The following SCFD2 variants were observed in gnomAD, a reference collection of about 807,000 sequenced individuals.
SCFD2 encodes the protein sec1 family domain containing 2, also known as sec1 family domain-containing protein 2.
Under a neutral mutation model 58.9 loss-of-function variants are expected in SCFD2, and 54 were observed. That is an observed-to-expected ratio of 0.92 (90% CI 0.74 to 1.15). The LOEUF (loss-of-function observed/expected upper bound fraction) is 1.15. Among genes scored for constraint, SCFD2 ranks in the 50% most tolerant of loss-of-function variants. The pLI, the probability that SCFD2 is intolerant of heterozygous loss-of-function variation, is 0.00. For missense variants in SCFD2, 805 were observed against 836.6 expected (o/e 0.96, Z 0.47); for synonymous variants, 321 against 335.9 (o/e 0.96, Z 0.49).
chr4:52,999,515 T>C (rs28718551), intron 5 of SCFD2, among the ~76,000 whole-genome samples: 51,979 of 152,044 alleles, frequency 0.34, 9,947 homozygotes, highest in Admixed American at 0.47. Context: ...TTTGCCTTGA[T>C]GAAAAATTTG....
chr4:53,234,603 CT>C (rs1729539021), intron 4 of SCFD2, among the ~76,000 whole-genome samples: 1 of 152,088 alleles, frequency 6.6e-6, no homozygotes, highest in Admixed American at 6.5e-5. Flanking sequence ...TGATACATTT[CT>C]TTGGAAAATT....
At position 53,352,690 on chromosome 4, in the gene SCFD2, AT is replaced by A. The variant is rs777006424; in HGVS notation, c.914del (p.Asn305MetfsTer3). 199 of 1,613,890 alleles carry A rather than the reference AT, an allele frequency of 1.2e-4. No individual in the cohort carries two copies. The highest frequency in any genetic ancestry group is 1.6e-4 in the Non-Finnish European group (191 of 1,179,952). On this transcript the variant is annotated frameshift_variant, in exon 2 of 9. Transcript: ENST00000401642. LOFTEE classifies it high-confidence loss of function. ...SALPQLPGHT[N>X]DVMVNMIALT... ...GCGCTATCATGTTAACCATCACATC[AT>A]TTGTGTGGCCTGGGAGCTGGGGAAG... is the stretch of plus-strand genomic sequence containing the variant.
intron 4 of SCFD2, among the ~76,000 whole-genome samples, chr4:53,184,076 A>T (rs1344223840): frequency 1.3e-5 from 2 of 152,176 alleles, no homozygotes; most frequent in African/African-American, 4.8e-5. Context: ...CCATTTAAAA[A>T]TGTAATTTAT....
rs1027121713 is a variant in SCFD2 at position 52,966,330 on chromosome 4, G to A, written c.1562-45460C>T. 3.9e-5 allele frequency among the ~76,000 whole-genome samples: 6 copies of A among 152,196 alleles called. No individual in the cohort carries two copies. In the South Asian group the frequency reaches 6.2e-4, roughly 16 times the overall value. Reference sequence around the variant, plus strand: ...CTGTGCATGTGCAAAGTAGATCAACGTAAGCACAGGTCACTTGATGACCTG... The same window carrying A: ...CTGTGCATGTGCAAAGTAGATCAACATAAGCACAGGTCACTTGATGACCTG... On this transcript the variant is annotated intron_variant, in intron 5 of 8. Transcript: ENST00000401642.
At chr4:53,002,596 C>T (rs1159380440) in intron 5 of SCFD2, among the ~76,000 whole-genome samples, 1 of 152,154 alleles carries the variant, frequency 6.6e-6, no homozygotes, top group Non-Finnish European at 1.5e-5. Flanking sequence ...CTCCTATGAG[C>T]CTTGATACAG....
chr4:53,229,057 T>A (rs1011977704), intron 4 of SCFD2, among the ~76,000 whole-genome samples: 1 of 152,090 alleles, frequency 6.6e-6, no homozygotes, highest in African/African-American at 2.4e-5. Flanking sequence ...GGAATCCACC[T>A]TACAAGGGAT....
chr4:53,097,499 T>C (rs898127855), intron 5 of SCFD2, among the ~76,000 whole-genome samples: 2 of 152,234 alleles, frequency 1.3e-5, no homozygotes, highest in African/African-American at 4.8e-5. Context: ...AGTTCACTCA[T>C]GATTTGGCTC....
chr4:52,971,596 G>T (rs1273329790), intron 5 of SCFD2, among the ~76,000 whole-genome samples: 5 of 152,284 alleles, frequency 3.3e-5, no homozygotes, highest in African/African-American at 4.8e-5. Flanking sequence ...CACTCTGCAG[G>T]ATATTATCCA....
intron 2 of SCFD2, among the ~76,000 whole-genome samples, chr4:53,320,187 T>C (rs1355161284): frequency 1.3e-5 from 2 of 152,198 alleles, no homozygotes; most frequent in Non-Finnish European, 2.9e-5. Context: ...GCCCAGTAAA[T>C]TAGGGTTTGA....
At chr4:52,923,515 A>AATAG (rs1457389314) in intron 5 of SCFD2, among the ~76,000 whole-genome samples, 9 of 150,312 alleles carry the variant, frequency 6.0e-5, no homozygotes, top group African/African-American at 2.2e-4. Context: ...TAAATAAATA[A>AATAG]ATGTGTGGTC....
intron 3 of SCFD2, among the ~76,000 whole-genome samples, chr4:53,286,835 T>A (rs1431509056): frequency 6.6e-6 from 1 of 152,000 alleles, no homozygotes; most frequent in African/African-American, 2.4e-5. Context: ...GTACCCCCAT[T>A]CCTGGGCCCT....
intron 7 of SCFD2, among the ~76,000 whole-genome samples, chr4:52,897,768 G>A (rs1449771608): frequency 6.6e-6 from 1 of 152,184 alleles, no homozygotes; most frequent in Non-Finnish European, 1.5e-5. Context: ...GAATTCAACT[G>A]CGAATCCATC....
chr4:53,256,556 G>A (rs1377542692), intron 4 of SCFD2, among the ~76,000 whole-genome samples: 2 of 152,128 alleles, frequency 1.3e-5, no homozygotes, highest in African/African-American at 4.8e-5. Context: ...AGTGAGCTGA[G>A]ATCACGCCAC....
intron 4 of SCFD2, among the ~76,000 whole-genome samples, chr4:53,227,501 C>T (rs996743109): frequency 2.0e-5 from 3 of 152,130 alleles, no homozygotes; most frequent in Admixed American, 6.6e-5. Context: ...GGTATAAAAA[C>T]GGCTAAGATT....
At chr4:53,360,769 T>C (rs568808582) in intron 1 of SCFD2, among the ~76,000 whole-genome samples, 1 of 152,224 alleles carries the variant, frequency 6.6e-6, no homozygotes, top group African/African-American at 2.4e-5. Context: ...TTTATAATTT[T>C]TAATGTATTT....
intron 5 of SCFD2, among the ~76,000 whole-genome samples, chr4:52,975,917 G>C (rs893630745): frequency 6.6e-6 from 1 of 150,392 alleles, no homozygotes; most frequent in African/African-American, 2.4e-5. Context: ...GCAAACTATC[G>C]CAAGGACAAA....
intron 5 of SCFD2, among the ~76,000 whole-genome samples, chr4:52,989,030 T>A (rs1446159854): frequency 6.6e-6 from 1 of 152,204 alleles, no homozygotes; most frequent in Non-Finnish European, 1.5e-5. Flanking sequence ...AGTGGCAGTA[T>A]CTCCATTTTA....
intron 4 of SCFD2, among the ~76,000 whole-genome samples, chr4:53,251,757 A>T (rs1406259535): frequency 6.6e-6 from 1 of 151,976 alleles, no homozygotes; most frequent in Non-Finnish European, 1.5e-5. Flanking sequence ...GCTATCTATG[A>T]CAAACCCACA....
At chr4:53,243,855 A>T (rs1185431502) in intron 4 of SCFD2, among the ~76,000 whole-genome samples, 1 of 152,218 alleles carries the variant, frequency 6.6e-6, no homozygotes, top group Non-Finnish European at 1.5e-5. Context: ...CTAATTTCAG[A>T]CATAACAGAC....
Sources: allele counts gnomAD v4.1 joint callset (sites outside exome capture counted in the v4.1 genomes callset), GRCh38; gene constraint gnomAD v4.1.1; transcripts MANE v1.5; gene names NCBI Gene and HGNC (gene_info 2026-07-23, HGNC 2026-07-21).